LPP: variants seen among roughly 807,000 people sequenced by gnomAD.
LPP encodes the protein lipoma-preferred partner.
LPP carries 38 observed loss-of-function variants against 60.4 expected under a neutral mutation model. That is an observed-to-expected ratio of 0.63 (90% CI 0.49 to 0.83). LPP has a LOEUF of 0.83. Ranked by LOEUF, LPP falls within the 40% of genes least tolerant of loss-of-function variation. The pLI is 0.00. For missense variants in LPP, 902 were observed against 783.6 expected, an observed-to-expected ratio of 1.15 and a Z score of -1.80; for synonymous variants, 328 against 290.8, an observed-to-expected ratio of 1.13 and a Z score of -1.30.
intron 9 of LPP, among the ~76,000 whole-genome samples, chr3:188,772,946 G>A (rs1233062380): frequency 6.6e-6 from 1 of 152,070 alleles, no homozygotes; most frequent in East Asian, 1.9e-4. Context: ...GGAGAACTTG[G>A]CTCTGAGAGA....
rs1011213526 is a variant in LPP, at chr3:188,330,859, G to A, written c.-66-10804G>A. Among the ~76,000 whole-genome samples the A allele has an allele frequency of 4.2e-4, 63 of 149,410 alleles. 1 individual carries two copies. The highest frequency in any genetic ancestry group is 1.5e-4 in the African/African-American group (6 of 40,510). Reference sequence around the variant, plus strand: ...AGTCAGTAAGTAAGTAAGTAAGTAAGTAAATAAATAAATAAATAAATAAAT... The same window carrying A: ...AGTCAGTAAGTAAGTAAGTAAGTAAATAAATAAATAAATAAATAAATAAAT... On this transcript the variant is annotated intron_variant, in intron 2 of 11. Transcript: ENST00000617246.
chr3:188,179,826 C>G (rs932154), intron 1 of LPP: 150,611 of 284,780 alleles, frequency 0.53, 42,296 homozygotes, highest in East Asian at 0.87. Flanking sequence ...CTCATCCTGC[C>G]TTGGGTCCAT....
intron 7 of LPP, among the ~76,000 whole-genome samples, chr3:188,624,042 T>C (rs1215666385): frequency 2.0e-5 from 3 of 152,192 alleles, no homozygotes; most frequent in African/African-American, 7.2e-5. Flanking sequence ...AGGAAAGTAC[T>C]GCTGAGTTCT....
chr3:188,155,883 C>T (rs545831062), intron 1 of LPP, among the ~76,000 whole-genome samples: 5 of 152,068 alleles, frequency 3.3e-5, no homozygotes, highest in South Asian at 2.1e-4. Context: ...GGTGTGGTGG[C>T]GGGGAACTGT....
At chr3:188,522,957 G>C (rs1819401841) in intron 5 of LPP, among the ~76,000 whole-genome samples, 2 of 151,688 alleles carry the variant, frequency 1.3e-5, no homozygotes, top group South Asian at 4.2e-4. Context: ...ATGTAGGCTG[G>C]AGTGCAGTGG....
At chr3:188,398,031 C>T (rs1338206557) in intron 3 of LPP, among the ~76,000 whole-genome samples, 1 of 152,164 alleles carries the variant, frequency 6.6e-6, no homozygotes, top group Non-Finnish European at 1.5e-5. Context: ...TTGTCACCTG[C>T]AGCATTGCCA....
chr3:188,554,415 G>A (rs758173736), intron 6 of LPP, among the ~76,000 whole-genome samples: 1 of 152,186 alleles, frequency 6.6e-6, no homozygotes, highest in Non-Finnish European at 1.5e-5. Flanking sequence ...TTTTGAACAA[G>A]TTGTAGTTCA....
rs796577968 is a variant in LPP at position 188,865,858 on chromosome 3, G to A, written c.1411-342G>A. Among the ~76,000 whole-genome samples the A allele has an allele frequency of 2.0e-5, 3 of 152,156 alleles. No individual in the cohort carries two copies. In the South Asian group the frequency reaches 6.2e-4, roughly 31 times the overall value. On this transcript the variant is annotated intron_variant, in intron 9 of 11. Coordinates refer to ENST00000617246, the MANE Select transcript of LPP (RefSeq NM_001375462.1). ...ATCACCCATGCTGTAGGAAACAAGG[G>A]AAGGAACAAGGATAGCAGTCAGAAA...
intron 7 of LPP, among the ~76,000 whole-genome samples, chr3:188,666,488 T>G (rs1855829038): frequency 6.6e-6 from 1 of 152,204 alleles, no homozygotes; most frequent in African/African-American, 2.4e-5. Flanking sequence ...AAGTCTGGGG[T>G]GGGATCTGGC....
chr3:188,390,105 A>G (rs567689787), intron 3 of LPP, among the ~76,000 whole-genome samples: 1 of 152,192 alleles, frequency 6.6e-6, no homozygotes, highest in African/African-American at 2.4e-5. Context: ...TAGAAGCGTC[A>G]TTTTCTTGGA....
intron 8 of LPP, among the ~76,000 whole-genome samples, chr3:188,749,729 G>T (rs969573137): frequency 6.6e-6 from 1 of 152,156 alleles, no homozygotes; most frequent in Non-Finnish European, 1.5e-5. Flanking sequence ...GTTATTATAA[G>T]ATTCATATGA....
intron 9 of LPP, among the ~76,000 whole-genome samples, chr3:188,770,243 A>G (rs1204111889): frequency 5.8e-5 from 8 of 137,974 alleles, no homozygotes; most frequent in Non-Finnish European, 1.1e-4. Context: ...CAGTGGTGCA[A>G]TCTCGGCTCA....
intron 1 of LPP, among the ~76,000 whole-genome samples, chr3:188,199,577 A>G (rs1333725453): frequency 6.6e-6 from 1 of 152,170 alleles, no homozygotes; most frequent in Non-Finnish European, 1.5e-5. Context: ...TAAGGAAAGG[A>G]TCAGTAGTTA....
intron 7 of LPP, among the ~76,000 whole-genome samples, chr3:188,621,655 T>C (rs1212566277): frequency 6.6e-6 from 1 of 151,990 alleles, no homozygotes; most frequent in Non-Finnish European, 1.5e-5. Flanking sequence ...ATGGACTCCA[T>C]TTTATTTTAT....
intron 1 of LPP, among the ~76,000 whole-genome samples, chr3:188,187,051 C>T (rs952094460): frequency 3.9e-5 from 6 of 152,092 alleles, no homozygotes; most frequent in Non-Finnish European, 5.9e-5. Context: ...AGTTTCCCTC[C>T]ACTTTTCCTC....
chr3:188,726,078 GA>G (rs1218928206), intron 8 of LPP, among the ~76,000 whole-genome samples: 1 of 152,124 alleles, frequency 6.6e-6, no homozygotes, highest in African/African-American at 2.4e-5. Context: ...TGAAAGTGTG[GA>G]AACTCCATGA....
At chr3:188,873,407 C>G (rs940275695) in intron 11 of LPP, among the ~76,000 whole-genome samples, 1 of 152,156 alleles carries the variant, frequency 6.6e-6, no homozygotes, top group Non-Finnish European at 1.5e-5. Flanking sequence ...AGAGTTTATA[C>G]TAAAGTTAGC....
intron 9 of LPP, among the ~76,000 whole-genome samples, chr3:188,851,092 G>A (rs1030750830): frequency 6.6e-6 from 1 of 152,164 alleles, no homozygotes; most frequent in Admixed American, 6.5e-5. Flanking sequence ...AACGAACCAA[G>A]AGAGTGAGCT....
At chr3:188,763,101 C>G (rs1001433248) in intron 9 of LPP, among the ~76,000 whole-genome samples, 16 of 152,172 alleles carry the variant, frequency 1.1e-4, no homozygotes, top group African/African-American at 3.9e-4. Flanking sequence ...CTATGCGTCT[C>G]TCTTGGAACC....
Sources: allele counts gnomAD v4.1 joint callset (sites outside exome capture counted in the v4.1 genomes callset), GRCh38; gene constraint gnomAD v4.1.1; transcripts MANE v1.5; gene names NCBI Gene and HGNC (gene_info 2026-07-23, HGNC 2026-07-21).